DCX: variants seen among roughly 807,000 people sequenced by gnomAD.
DCX encodes the protein neuronal migration protein doublecortin.
In DCX, 4 loss-of-function variants were observed where a neutral mutation model predicts 20.9. The ratio of observed to expected loss-of-function variants is 0.19; its 90% CI spans 0.09 to 0.44. The LOEUF is 0.44. Among genes scored for constraint, DCX ranks in the 20% least tolerant of loss-of-function variants. DCX has a pLI of 0.99. For synonymous variants in DCX, 103 were observed against 111.4 expected, an observed-to-expected ratio of 0.92 and a Z score of 0.47; for missense variants, 133 against 296.9, an observed-to-expected ratio of 0.45 and a Z score of 4.06.
intron 6 of DCX, among the ~76,000 whole-genome samples, chrX:111,310,061 G>A (rs770485759): frequency 4.4e-5 from 5 of 112,670 alleles, no homozygotes; most frequent in East Asian, 2.8e-4. Context: ...GGCCCAGTGC[G>A]GTGGCTCATG....
At chrX:111,323,595 T>C (rs2095091929) in intron 5 of DCX, among the ~76,000 whole-genome samples, 1 of 103,841 alleles carries the variant, frequency 9.6e-6, no homozygotes, top group East Asian at 2.9e-4. Flanking sequence ...GTGAAGCCTA[T>C]TATTTCTGTT....
intron 3 of DCX, among the ~76,000 whole-genome samples, chrX:111,347,316 T>C (rs942586903): frequency 9.9e-5 from 11 of 111,610 alleles, no homozygotes; most frequent in African/African-American, 3.6e-4. Context: ...GTTTTCTGAT[T>C]ATTTGCTTAA....
chrX:111,359,750 A>G (rs1269231653), intron 3 of DCX, among the ~76,000 whole-genome samples: 2 of 112,100 alleles, frequency 1.8e-5, no homozygotes, highest in African/African-American at 6.5e-5. Flanking sequence ...CATGCTGAAA[A>G]TTATGCTCAC....
At chrX:111,401,437 G>A in intron 2 of DCX, 107 bp from the exon 3 acceptor site, 1 of 741,609 alleles carries the variant, frequency 1.3e-6, no homozygotes, top group East Asian at 3.3e-5. Context: ...TTCAATAAAT[G>A]GTGATACTAA....
chrX:111,329,928 A>T (rs756688596), intron 5 of DCX, among the ~76,000 whole-genome samples: 1 of 112,375 alleles, frequency 8.9e-6, no homozygotes, highest in African/African-American at 3.2e-5. Flanking sequence ...TGACAAATGT[A>T]TAAGTATTTT....
intron 2 of DCX, among the ~76,000 whole-genome samples, chrX:111,405,339 A>G (rs1321220053): frequency 8.9e-6 from 1 of 112,318 alleles, no homozygotes; most frequent in African/African-American, 3.2e-5. Flanking sequence ...TTAGCAATGC[A>G]TCCCTCCCAG....
intron 3 of DCX, among the ~76,000 whole-genome samples, chrX:111,360,487 G>A (rs1924119619): frequency 9.0e-6 from 1 of 110,589 alleles, no homozygotes; most frequent in Non-Finnish European, 1.9e-5. Flanking sequence ...ATGGTTAATG[G>A]GTACAAAAAA....
rs1246348349 is a variant in DCX at position 111,300,379 on chromosome X, C to T, written c.*1308G>A. ...GACAAGTGAAAGATTTCTGTGTCTT[C>T]AGTATGAAATATTAGGATTATAGAT... On this transcript the variant is annotated 3_prime_UTR_variant, in exon 7 of 7. Coordinates refer to ENST00000636035, the MANE Select transcript of DCX (RefSeq NM_001195553.2). The T allele has an allele frequency of 8.9e-6, 1 of 112,408 alleles. No individual in the cohort carries two copies. The highest frequency in any genetic ancestry group is 9.5e-5 in the Admixed American group (1 of 10,574). 9.3% of individuals were successfully genotyped at this position (112,408 alleles called of 1,213,427 possible).
At chrX:111,322,229 G>A (rs1210083200) in intron 5 of DCX, among the ~76,000 whole-genome samples, 1 of 111,615 alleles carries the variant, frequency 9.0e-6, no homozygotes, top group Non-Finnish European at 1.9e-5. Context: ...CAATTAACAA[G>A]GATATAGGGG....
At position 111,296,158 on chromosome X, in the gene DCX, C is replaced by G. The variant is rs1340966241; in HGVS notation, c.*5529G>C. 8.9e-6 allele frequency: 1 copy of G among 111,985 alleles called. No individual in the cohort carries two copies. The highest frequency in any genetic ancestry group is 2.8e-4 in the East Asian group (1 of 3,537). The allele number at this position is 111,985 out of a possible 1,213,427, so 9.2% of individuals were successfully genotyped here. A position where few individuals can be genotyped will look rare whatever the true frequency, so the allele number is the denominator to read the frequency against. ...TAAACTGAGAACAGAGGAAACTAGA[C>G]AGAGAAAGAAAAGTCAAAGAGATAC... On this transcript the variant is annotated 3_prime_UTR_variant, in exon 7 of 7. Coordinates refer to ENST00000636035, the MANE Select transcript of DCX (RefSeq NM_001195553.2).
At chrX:111,385,710 C>CAAGA (rs754958986) in intron 3 of DCX, among the ~76,000 whole-genome samples, 2 of 43,476 alleles carry the variant, frequency 4.6e-5, no homozygotes, top group East Asian at 1.2e-3. Flanking sequence ...AGCAAGAAAG[C>CAAGA]AAGAAAGCAA....
chrX:111,409,234 A>G (rs961637978), intron 2 of DCX, among the ~76,000 whole-genome samples: 3 of 111,924 alleles, frequency 2.7e-5, no homozygotes, highest in African/African-American at 9.8e-5. Flanking sequence ...CTAAATGACC[A>G]CAAAGAAGAC....
At chrX:111,336,741 G>T (rs1290423440) in intron 3 of DCX, among the ~76,000 whole-genome samples, 1 of 112,057 alleles carries the variant, frequency 8.9e-6, no homozygotes, top group African/African-American at 3.2e-5. Context: ...GACTTCAAAG[G>T]CATATCTATA....
At chrX:111,355,651 A>G (rs1404989866) in intron 3 of DCX, among the ~76,000 whole-genome samples, 1 of 111,568 alleles carries the variant, frequency 9.0e-6, no homozygotes, top group Non-Finnish European at 1.9e-5. Context: ...CACTTTAGCC[A>G]TCCAAATTCA....
chrX:111,364,820 G>A (rs1266117906), intron 3 of DCX, among the ~76,000 whole-genome samples: 1 of 111,766 alleles, frequency 8.9e-6, no homozygotes, highest in Admixed American at 9.6e-5. Context: ...CCCTTGGGAA[G>A]TGGACTGAGG....
At chrX:111,386,291 C>T (rs1926511794) in intron 3 of DCX, among the ~76,000 whole-genome samples, 1 of 111,240 alleles carries the variant, frequency 9.0e-6, no homozygotes, top group Admixed American at 9.6e-5. Context: ...TGAACCACAG[C>T]CAGCGCTGTT....
chrX:111,308,847 G>A (rs184882987), intron 6 of DCX, among the ~76,000 whole-genome samples: 3 of 109,520 alleles, frequency 2.7e-5, no homozygotes, highest in African/African-American at 6.7e-5. Context: ...AAATGAAAGA[G>A]TTTCCTTACG....
In DCX at chrX:111,299,606, A is replaced by T. The variant is rs778858963; in HGVS notation, c.*2081T>A. On this transcript the variant is annotated 3_prime_UTR_variant, in exon 7 of 7. Transcript: ENST00000636035. The stretch of plus-strand genomic sequence containing the variant: ...GCCCACACCCCCTAATCCAAGTATC[A>T]CTTTTTCCCAATTAACTACAAAATG... 1.1e-4 allele frequency: 12 copies of T among 111,493 alleles called. No individual in the cohort carries two copies. Among genetic ancestry groups the T allele is most frequent in the South Asian group, 3.8e-4 (1 of 2,602 alleles). 9.2% of individuals were successfully genotyped at this position (111,493 alleles called of 1,213,427 possible).
At chrX:111,371,047 G>A (rs748865799) in intron 3 of DCX, among the ~76,000 whole-genome samples, 1 of 111,918 alleles carries the variant, frequency 8.9e-6, no homozygotes, top group Non-Finnish European at 1.9e-5. Context: ...ATAGGTTACT[G>A]ATATTAGAAT....
Sources: gnomAD v4.1 joint callset for allele counts (sites outside exome capture counted in the v4.1 genomes callset) on GRCh38, gnomAD v4.1.1 for gene constraint, MANE v1.5 for transcripts, NCBI Gene and HGNC (gene_info 2026-07-23, HGNC 2026-07-21) for gene names.